The following GRIK2 variants were observed in gnomAD, a reference collection of about 807,000 sequenced individuals.
The protein encoded by GRIK2 is glutamate receptor ionotropic, kainate 2.
GRIK2 carries 32 observed loss-of-function variants against 100.3 expected under a neutral mutation model. The observed-to-expected ratio is 0.32, with a 90% confidence interval of 0.24 to 0.43. The LOEUF is 0.43. Ranked by LOEUF, GRIK2 falls within the 20% of genes least tolerant of loss-of-function variation. The pLI, the probability that GRIK2 is intolerant of heterozygous loss-of-function variation, is 1.00. For missense variants in GRIK2, 843 were observed against 1,114.9 expected (o/e 0.76, Z 3.47); for synonymous variants, 417 against 389.4 (o/e 1.07, Z -0.83).
intron 12 of GRIK2, among the ~76,000 whole-genome samples, chr6:101,900,249 G>A (rs1471124758): frequency 1.3e-5 from 2 of 152,056 alleles, no homozygotes; most frequent in African/African-American, 4.8e-5. Context: ...CAGATCACCT[G>A]AGGTCAGGAG....
At chr6:101,468,640 T>A (rs1294294772) in intron 2 of GRIK2, among the ~76,000 whole-genome samples, 4 of 152,194 alleles carry the variant, frequency 2.6e-5, no homozygotes, top group Admixed American at 2.6e-4. Flanking sequence ...ACAAGAACCA[T>A]TCCTCTTTGA....
At chr6:101,838,844 G>T (rs1455511283) in intron 10 of GRIK2, among the ~76,000 whole-genome samples, 3 of 151,880 alleles carry the variant, frequency 2.0e-5, no homozygotes, top group Non-Finnish European at 4.4e-5. Flanking sequence ...GTAGAGACGA[G>T]GTTTCACCAT....
At chr6:101,791,685 T>G (rs1050902699) in intron 7 of GRIK2, among the ~76,000 whole-genome samples, 1 of 152,138 alleles carries the variant, frequency 6.6e-6, no homozygotes, top group Admixed American at 6.5e-5. Flanking sequence ...TATATTCTGT[T>G]GATTTGGGGT....
At chr6:101,474,348 C>A (rs1332767017) in intron 2 of GRIK2, among the ~76,000 whole-genome samples, 1 of 151,828 alleles carries the variant, frequency 6.6e-6, no homozygotes, top group Non-Finnish European at 1.5e-5. Flanking sequence ...GGCATTATTT[C>A]TTAAACTGCA....
At chr6:101,876,712 G>A (rs1432894089) in intron 11 of GRIK2, among the ~76,000 whole-genome samples, 1 of 151,868 alleles carries the variant, frequency 6.6e-6, no homozygotes, top group Non-Finnish European at 1.5e-5. Flanking sequence ...GTAAGGTTGT[G>A]CAGTTGTAAT....
intron 2 of GRIK2, among the ~76,000 whole-genome samples, chr6:101,452,806 G>C (rs964915974): frequency 4.0e-5 from 6 of 151,746 alleles, no homozygotes; most frequent in African/African-American, 1.5e-4. Flanking sequence ...CACCAAAATG[G>C]GTTAAGGGAG....
chr6:101,430,533 G>A (rs923990285), intron 2 of GRIK2: 14 of 170,430 alleles, frequency 8.2e-5, no homozygotes, highest in African/African-American at 2.4e-4. Context: ...TTGGGTGTCC[G>A]GGCAGTGATC....
chr6:101,402,793 C>T (rs1775391459), intron 2 of GRIK2, among the ~76,000 whole-genome samples: 2 of 152,182 alleles, frequency 1.3e-5, no homozygotes, highest in Admixed American at 6.5e-5. Context: ...GCTGGCGCGG[C>T]GGGCACAGGG....
intron 14 of GRIK2, among the ~76,000 whole-genome samples, chr6:101,974,584 A>C (rs188316270): frequency 6.6e-6 from 1 of 152,170 alleles, no homozygotes; most frequent in East Asian, 1.9e-4. Flanking sequence ...CCGGCAGGGG[A>C]ATGCTACAGT....
intron 2 of GRIK2, among the ~76,000 whole-genome samples, chr6:101,510,600 G>C (rs1774257417): frequency 7.5e-6 from 1 of 132,728 alleles, no homozygotes; most frequent in African/African-American, 2.8e-5. Flanking sequence ...TCGGCTCAAT[G>C]CAACCTCTTC....
At chr6:102,056,006 G>C (rs1252283420) in intron 16 of GRIK2, among the ~76,000 whole-genome samples, 1 of 151,768 alleles carries the variant, frequency 6.6e-6, no homozygotes, top group Non-Finnish European at 1.5e-5. Context: ...ACAGTTTCAA[G>C]TTAGAGAGTA....
At chr6:101,997,848 C>T (rs1264026420) in intron 14 of GRIK2, among the ~76,000 whole-genome samples, 1 of 151,548 alleles carries the variant, frequency 6.6e-6, no homozygotes, top group Non-Finnish European at 1.5e-5. Context: ...TCAAAATTTG[C>T]TCTTCTATGG....
intron 2 of GRIK2, among the ~76,000 whole-genome samples, chr6:101,592,025 T>C (rs946632018): frequency 1.3e-5 from 2 of 151,964 alleles, no homozygotes; most frequent in African/African-American, 4.8e-5. Context: ...TTAGTTCATC[T>C]GAGATGTTGT....
intron 7 of GRIK2, among the ~76,000 whole-genome samples, chr6:101,692,067 A>AAAAAAAAAAAG (rs1772146800): frequency 2.8e-4 from 40 of 145,398 alleles, no homozygotes; most frequent in African/African-American, 1.0e-3. Context: ...AAAAAAAAAA[A>AAAAAAAAAAAG]GCAATGGAAA....
chr6:101,453,135 A>G (rs762334280), intron 2 of GRIK2, among the ~76,000 whole-genome samples: 5 of 151,880 alleles, frequency 3.3e-5, no homozygotes, highest in Non-Finnish European at 7.4e-5. Context: ...AGATAATGTT[A>G]TTATTCAACT....
chr6:101,454,097 A>C (rs1338167), intron 2 of GRIK2, among the ~76,000 whole-genome samples: 81,502 of 151,912 alleles, frequency 0.54, 22,014 homozygotes, highest in East Asian at 0.58. Context: ...GACTGAAGGA[A>C]GAAGGCCGAT....
chr6:101,468,312 T>C lies in GRIK2; in HGVS notation c.115+68920T>C, dbSNP rs1388660804. 2.6e-5 allele frequency among the ~76,000 whole-genome samples: 4 copies of C among 152,204 alleles called. No individual in the cohort carries two copies. In the East Asian group the frequency reaches 7.7e-4, roughly 29 times the overall value. On this transcript the variant is annotated intron_variant, in intron 2 of 16. Transcript: ENST00000369134. ...AGGGCTCATCAGTTCAGTTTTACTTTTCATTCTTTCACTAATGCTTATCTT... is the reference window on the plus strand; with the variant it reads ...AGGGCTCATCAGTTCAGTTTTACTTCTCATTCTTTCACTAATGCTTATCTT...
At chr6:101,458,577 G>C (rs1771130080) in intron 2 of GRIK2, among the ~76,000 whole-genome samples, 1 of 152,120 alleles carries the variant, frequency 6.6e-6, no homozygotes, top group Non-Finnish European at 1.5e-5. Flanking sequence ...TGTGTTCTAG[G>C]CACTGCAGAT....
intron 15 of GRIK2, among the ~76,000 whole-genome samples, chr6:102,049,860 T>A (rs1304468560): frequency 6.6e-6 from 1 of 152,158 alleles, no homozygotes; most frequent in Non-Finnish European, 1.5e-5. Flanking sequence ...GAATGTAAGA[T>A]AATGCAATTT....
Sources: gnomAD v4.1 joint callset for allele counts (sites outside exome capture counted in the v4.1 genomes callset) on GRCh38, gnomAD v4.1.1 for gene constraint, MANE v1.5 for transcripts, NCBI Gene and HGNC (gene_info 2026-07-23, HGNC 2026-07-21) for gene names.